ZCCHC7: variants seen among roughly 807,000 people sequenced by gnomAD.
ZCCHC7 encodes the protein zinc finger CCHC domain-containing protein 7.
ZCCHC7 carries 35 observed loss-of-function variants against 52.0 expected under a neutral mutation model. The observed-to-expected ratio is 0.67, with a 90% confidence interval of 0.51 to 0.89. The LOEUF (loss-of-function observed/expected upper bound fraction) is 0.89, where lower values mean the gene tolerates loss of function less well. Ranked by LOEUF, ZCCHC7 falls within the 40% of genes least tolerant of loss-of-function variation. The probability of loss-of-function intolerance (pLI) is 0.00; values close to 1 mark genes in which losing one functional copy is unlikely to be tolerated. For synonymous variants in ZCCHC7, 217 were observed against 221.5 expected (o/e 0.98, Z 0.18); for missense variants, 574 against 649.1 (o/e 0.88, Z 1.26).
At chr9:37,140,247 G>A (rs1431843407) in intron 2 of ZCCHC7, among the ~76,000 whole-genome samples, 1 of 151,834 alleles carries the variant, frequency 6.6e-6, no homozygotes, top group Non-Finnish European at 1.5e-5. Flanking sequence ...TTTTAAGGAG[G>A]ATTTTAATAG....
chr9:37,327,704 G>T, intron 5 of ZCCHC7, 95 bp from the exon 6 acceptor site: 1 of 1,345,336 alleles, frequency 7.4e-7, no homozygotes, highest in South Asian at 1.2e-5. Context: ...ATTTTCCTGT[G>T]ACCGACACCG....
chr9:37,158,691 A>G (rs1820938868), intron 2 of ZCCHC7, among the ~76,000 whole-genome samples: 1 of 152,074 alleles, frequency 6.6e-6, no homozygotes, highest in African/African-American at 2.4e-5. Flanking sequence ...TATGTGTATT[A>G]TATATAAAAT....
chr9:37,240,511 G>C (rs1288672168), intron 2 of ZCCHC7, among the ~76,000 whole-genome samples: 1 of 151,816 alleles, frequency 6.6e-6, no homozygotes, highest in African/African-American at 2.4e-5. Flanking sequence ...GTGAATTCTG[G>C]TAAGGTATTA....
chr9:37,163,221 C>CAAAA (rs931150865), intron 2 of ZCCHC7, among the ~76,000 whole-genome samples: 1 of 148,314 alleles, frequency 6.7e-6, no homozygotes, highest in African/African-American at 2.5e-5. Context: ...AACAAACAAA[C>CAAAA]AAAAAAAAAC....
chr9:37,131,195 C>T (rs537274824), intron 2 of ZCCHC7, among the ~76,000 whole-genome samples: 2 of 150,756 alleles, frequency 1.3e-5, no homozygotes, highest in South Asian at 2.1e-4. Flanking sequence ...AAAAAATTAG[C>T]CGGGTGTGGT....
At chr9:37,253,018 T>C (rs568736) in intron 2 of ZCCHC7, among the ~76,000 whole-genome samples, 1 of 152,092 alleles carries the variant, frequency 6.6e-6, no homozygotes, top group Non-Finnish European at 1.5e-5. Context: ...TTCATTAAAA[T>C]ACAGCTGAGT....
intron 2 of ZCCHC7, among the ~76,000 whole-genome samples, chr9:37,192,655 A>G (rs2133111608): frequency 6.6e-6 from 1 of 152,318 alleles, no homozygotes; most frequent in East Asian, 1.9e-4. Context: ...AAAAGTCTAG[A>G]TTCAATAACT....
At chr9:37,155,712 A>C (rs1486024498) in intron 2 of ZCCHC7, among the ~76,000 whole-genome samples, 2 of 152,178 alleles carry the variant, frequency 1.3e-5, no homozygotes, top group Non-Finnish European at 2.9e-5. Context: ...AATGTCTCCA[A>C]ATTTCAGAGT....
intron 2 of ZCCHC7, among the ~76,000 whole-genome samples, chr9:37,299,238 C>G (rs1211094776): frequency 1.3e-5 from 2 of 152,024 alleles, no homozygotes; most frequent in African/African-American, 4.8e-5. Context: ...GTTCCTGGGC[C>G]GTATGGAAAG....
intron 2 of ZCCHC7, among the ~76,000 whole-genome samples, chr9:37,143,173 G>A (rs1453064150): frequency 6.6e-6 from 1 of 151,636 alleles, no homozygotes; most frequent in African/African-American, 2.4e-5. Flanking sequence ...TCGTTTTGTA[G>A]GATTTCTTTT....
chr9:37,156,373 A>T (rs1820814958), intron 2 of ZCCHC7, among the ~76,000 whole-genome samples: 2 of 152,094 alleles, frequency 1.3e-5, no homozygotes, highest in Admixed American at 1.3e-4. Flanking sequence ...GCTGTTTTTC[A>T]ACTCGTTTCA....
At chr9:37,215,530 T>C (rs1203443877) in intron 2 of ZCCHC7, among the ~76,000 whole-genome samples, 4 of 152,202 alleles carry the variant, frequency 2.6e-5, no homozygotes, top group African/African-American at 9.6e-5. Context: ...AATAGGTTAT[T>C]AAAATTGTGA....
chr9:37,250,428 A>G (rs1170276158), intron 2 of ZCCHC7, among the ~76,000 whole-genome samples: 2 of 151,752 alleles, frequency 1.3e-5, no homozygotes, highest in East Asian at 3.9e-4. Context: ...CAGCCTCCCA[A>G]GTAGCTGGGA....
chr9:37,319,663 C>T (rs148469080), intron 5 of ZCCHC7, among the ~76,000 whole-genome samples: 101 of 152,176 alleles, frequency 6.6e-4, no homozygotes, highest in Admixed American at 1.8e-3. Context: ...TGGACTCAAG[C>T]GATCTGCCTA....
intron 2 of ZCCHC7, among the ~76,000 whole-genome samples, chr9:37,176,537 A>G (rs1231680358): frequency 6.6e-6 from 1 of 152,046 alleles, no homozygotes; most frequent in Admixed American, 6.6e-5. Flanking sequence ...GTTGGAATCA[A>G]TAATATATGT....
chr9:37,348,442 C>T lies in ZCCHC7; in HGVS notation c.988-915C>T, dbSNP rs112043157. Among the ~76,000 whole-genome samples the T allele has an allele frequency of 4.3e-3, 647 of 150,700 alleles. 3 individuals are homozygous for T. The highest frequency in any genetic ancestry group is 0.015 in the African/African-American group (619 of 40,606). ...TCGCTCAGGCTGGAGTGCATTGGTG[C>T]GATCTTGGCTCACTGCAACCTCCGA... On this transcript the variant is annotated intron_variant, in intron 6 of 8. Coordinates refer to ENST00000336755, the MANE Select transcript of ZCCHC7 (RefSeq NM_032226.3).
At chr9:37,120,447 AG>A (rs1842249989), upstream of ZCCHC7, 5 of 396,974 alleles carry the variant, frequency 1.3e-5, no homozygotes, top group Admixed American at 1.8e-4. Flanking sequence ...TGCGCACATC[AG>A]GCGCGGCAGG....
chr9:37,350,308 T>C (rs1474672714), intron 7 of ZCCHC7, among the ~76,000 whole-genome samples: 1 of 152,032 alleles, frequency 6.6e-6, no homozygotes, highest in East Asian at 1.9e-4. Flanking sequence ...TTTTGTATTT[T>C]TTTAGTAGAA....
chr9:37,260,547 T>G (rs1826816545), intron 2 of ZCCHC7, among the ~76,000 whole-genome samples: 1 of 152,224 alleles, frequency 6.6e-6, no homozygotes. Context: ...CATGTGTGAC[T>G]GCACAAGTTA....
Sources: allele counts gnomAD v4.1 joint callset (sites outside exome capture counted in the v4.1 genomes callset), GRCh38; gene constraint gnomAD v4.1.1; transcripts MANE v1.5; gene names NCBI Gene and HGNC (gene_info 2026-07-23, HGNC 2026-07-21).